The following HMGN5 variants were observed in gnomAD, a reference collection of about 807,000 sequenced individuals.
HMGN5 encodes the protein high mobility group nucleosome-binding domain-containing protein 5.
In HMGN5, 4 loss-of-function variants were observed where a neutral mutation model predicts 9.5. The ratio of observed to expected loss-of-function variants is 0.42; its 90% CI spans 0.21 to 0.96. The LOEUF is 0.96. Ranked by LOEUF, HMGN5 falls within the 40% of genes least tolerant of loss-of-function variation. The pLI is 0.30. For missense variants in HMGN5, 192 were observed against 187.5 expected, an observed-to-expected ratio of 1.02 and a Z score of -0.14; for synonymous variants, 55 against 57.1, an observed-to-expected ratio of 0.96 and a Z score of 0.16.
At chrX:81,142,701 C>T (rs2075333033) in intron 1 of HMGN5, among the ~76,000 whole-genome samples, 1 of 111,793 alleles carries the variant, frequency 8.9e-6, no homozygotes, top group Non-Finnish European at 1.9e-5. Context: ...CAACACCAGA[C>T]ATGTCCCACA....
At chrX:81,124,052 T>A (rs776620909) in intron 1 of HMGN5, among the ~76,000 whole-genome samples, 161 of 112,523 alleles carry the variant, frequency 1.4e-3, no homozygotes, top group African/African-American at 5.2e-3. Flanking sequence ...AAGCAAAGCA[T>A]AATGTGCAGG....
intron 1 of HMGN5, among the ~76,000 whole-genome samples, chrX:81,141,502 G>C (rs961368961): frequency 9.0e-6 from 1 of 111,049 alleles, no homozygotes; most frequent in Non-Finnish European, 1.9e-5. Context: ...AAGAGAGAGA[G>C]AGAGAGACTA....
At chrX:81,173,573 C>A (rs762490766) in intron 1 of HMGN5, among the ~76,000 whole-genome samples, 1 of 111,942 alleles carries the variant, frequency 8.9e-6, no homozygotes, top group East Asian at 2.8e-4. Flanking sequence ...CTCAGCAAAT[C>A]TTTTCCATTT....
intron 1 of HMGN5, among the ~76,000 whole-genome samples, chrX:81,193,471 G>A (rs1341382935): frequency 8.9e-6 from 1 of 112,214 alleles, no homozygotes; most frequent in Non-Finnish European, 1.9e-5. Flanking sequence ...GTAGAGAAGA[G>A]ACAAGTAGTC....
intron 1 of HMGN5, among the ~76,000 whole-genome samples, chrX:81,126,147 CAAA>C (rs776769640): frequency 0.024 from 1,130 of 47,722 alleles, 5 homozygotes; most frequent in East Asian, 0.03. Context: ...GACGCAGTCT[CAAA>C]AAAAAAAAAA....
chrX:81,119,710 T>A, intron 3 of HMGN5, 78 bp downstream of exon 3: 1 of 812,818 alleles, frequency 1.2e-6, no homozygotes, highest in Admixed American at 2.3e-5. Flanking sequence ...CCAACCAGCA[T>A]CTATTTTTTA....
intron 1 of HMGN5, among the ~76,000 whole-genome samples, chrX:81,158,679 T>C (rs969932739): frequency 8.9e-6 from 1 of 112,254 alleles, no homozygotes; most frequent in Non-Finnish European, 1.9e-5. Flanking sequence ...TTCGATCCCA[T>C]TTGTCAATTT....
intron 1 of HMGN5, among the ~76,000 whole-genome samples, chrX:81,181,931 T>C (rs759160512): frequency 8.9e-6 from 1 of 112,099 alleles, no homozygotes; most frequent in Non-Finnish European, 1.9e-5. Context: ...CTCTTCGATA[T>C]ACTGATTTCC....
At chrX:81,127,944 G>A (rs1173683877) in intron 1 of HMGN5, among the ~76,000 whole-genome samples, 1 of 111,128 alleles carries the variant, frequency 9.0e-6, no homozygotes, top group African/African-American at 3.3e-5. Flanking sequence ...AGAATGCACA[G>A]CAAAGCTAGA....
At chrX:81,155,673 G>T (rs2075381140) in intron 1 of HMGN5, among the ~76,000 whole-genome samples, 1 of 111,739 alleles carries the variant, frequency 8.9e-6, no homozygotes, top group East Asian at 2.8e-4. Flanking sequence ...CACATATTCT[G>T]TGAATCCTTT....
chrX:81,201,491 C>T (rs1224410952), intron 1 of HMGN5, among the ~76,000 whole-genome samples: 1 of 111,767 alleles, frequency 8.9e-6, no homozygotes, highest in African/African-American at 3.3e-5. Flanking sequence ...TTAAACTTGC[C>T]AATCAGGCCT....
chrX:81,163,095 C>T (rs901398231), intron 1 of HMGN5, among the ~76,000 whole-genome samples: 1 of 111,395 alleles, frequency 9.0e-6, no homozygotes, highest in Admixed American at 9.6e-5. Flanking sequence ...TTCTTGTAAC[C>T]CATTTGCTAT....
chrX:81,121,600 C>A lies in HMGN5; in HGVS notation c.-51G>T. The A allele has an allele frequency of 2.0e-6, 2 of 1,014,161 alleles. No individual in the cohort carries two copies. Among genetic ancestry groups the A allele is most frequent in the Non-Finnish European group, 2.7e-6 (2 of 741,149 alleles). The allele number at this position is 1,014,161 out of a possible 1,213,427, so 83.6% of individuals were successfully genotyped here. A position where few individuals can be genotyped will look rare whatever the true frequency, so the allele number is the denominator to read the frequency against. ...TAGTCAGCAGAAAAAAAGCCGAAGG[C>A]AGTCACTGCCTGACTGCTCCAAGAG... is the stretch of plus-strand genomic sequence containing the variant. On this transcript the variant is annotated 5_prime_UTR_variant, in exon 2 of 7. Coordinates refer to ENST00000358130, the MANE Select transcript of HMGN5 (RefSeq NM_030763.3).
At chrX:81,198,043 C>G (rs2075514272) in intron 1 of HMGN5, among the ~76,000 whole-genome samples, 1 of 111,203 alleles carries the variant, frequency 9.0e-6, no homozygotes, top group African/African-American at 3.3e-5. Context: ...AAGAAAGAAA[C>G]AGGAAGAGCA....
At chrX:81,140,820 A>C (rs1461744050) in intron 1 of HMGN5, among the ~76,000 whole-genome samples, 1 of 111,122 alleles carries the variant, frequency 9.0e-6, no homozygotes, top group Non-Finnish European at 1.9e-5. Context: ...CTTAGTTACC[A>C]GCATGGCCAC....
chrX:81,116,074 C>T (rs2075252531), intron 6 of HMGN5, 130 bp downstream of exon 6: 1 of 448,106 alleles, frequency 2.2e-6, no homozygotes, highest in Non-Finnish European at 3.8e-6. Context: ...TCTTAGATAC[C>T]ATTATACTAT....
intron 1 of HMGN5, among the ~76,000 whole-genome samples, chrX:81,147,157 C>A (rs1266915606): frequency 8.9e-6 from 1 of 111,906 alleles, no homozygotes; most frequent in Non-Finnish European, 1.9e-5. Flanking sequence ...ATGAGGTCAG[C>A]ATCATCCTGA....
chrX:81,156,116 T>G (rs995006539), intron 1 of HMGN5, among the ~76,000 whole-genome samples: 10 of 112,088 alleles, frequency 8.9e-5, no homozygotes, highest in Admixed American at 8.5e-4. Context: ...GAGTTTGGCT[T>G]ATGGAATAGA....
At chrX:81,194,499 T>C (rs1248745085) in intron 1 of HMGN5, among the ~76,000 whole-genome samples, 1 of 111,874 alleles carries the variant, frequency 8.9e-6, no homozygotes, top group Non-Finnish European at 1.9e-5. Flanking sequence ...TATGAAAAGA[T>C]GCACAACTTC....
Sources: gnomAD v4.1 joint callset for allele counts (sites outside exome capture counted in the v4.1 genomes callset) on GRCh38, gnomAD v4.1.1 for gene constraint, MANE v1.5 for transcripts, NCBI Gene and HGNC (gene_info 2026-07-23, HGNC 2026-07-21) for gene names.